LRRC49: variants seen among roughly 807,000 people sequenced by gnomAD.
LRRC49 encodes leucine-rich repeat-containing protein 49.
Under a neutral mutation model 83.3 loss-of-function variants are expected in LRRC49, and 50 were observed. That is an observed-to-expected ratio of 0.60 (90% CI 0.48 to 0.76). The LOEUF (loss-of-function observed/expected upper bound fraction) is 0.76. Ranked by LOEUF, LRRC49 falls within the 30% of genes least tolerant of loss-of-function variation. LRRC49 has a pLI of 0.00. For missense variants in LRRC49, 704 were observed against 809.1 expected, an observed-to-expected ratio of 0.87 and a Z score of 1.58; for synonymous variants, 286 against 283.3, an observed-to-expected ratio of 1.01 and a Z score of -0.10.
intron 6 of LRRC49, among the ~76,000 whole-genome samples, chr15:70,913,429 G>A (rs2034632595): frequency 6.6e-6 from 1 of 152,196 alleles, no homozygotes; most frequent in Non-Finnish European, 1.5e-5. Flanking sequence ...GGAATTGTCT[G>A]GCTCTGCAGG....
At position 71,050,254 on chromosome 15, in the gene LRRC49, G is replaced by A. The variant is rs540030621; in HGVS notation, c.*642G>A. The A allele has an allele frequency of 4.6e-5, 7 of 152,284 alleles. No individual in the cohort carries two copies. The highest frequency in any genetic ancestry group is 1.4e-4 in the African/African-American group (6 of 41,554). 9.4% of individuals were successfully genotyped at this position (152,284 alleles called of 1,614,324 possible). A position where few individuals can be genotyped will look rare whatever the true frequency, so the allele number is the denominator to read the frequency against. ...CACTATGGGCAGAGAATATGCAAATGAGTCAAAACTGGGATAGGAAGAAAA... is the reference window on the plus strand; with the variant it reads ...CACTATGGGCAGAGAATATGCAAATAAGTCAAAACTGGGATAGGAAGAAAA... On this transcript the variant is annotated 3_prime_UTR_variant, in exon 16 of 16. Transcript: ENST00000260382.
At chr15:70,986,192 G>A (rs1209000245) in intron 11 of LRRC49, among the ~76,000 whole-genome samples, 20 of 151,656 alleles carry the variant, frequency 1.3e-4, no homozygotes, top group Admixed American at 1.1e-3. Flanking sequence ...TAGCTTGATG[G>A]GGATGGCATT....
chr15:71,009,352 T>A (rs983068776), intron 12 of LRRC49, among the ~76,000 whole-genome samples: 1 of 151,914 alleles, frequency 6.6e-6, no homozygotes, highest in African/African-American at 2.4e-5. Flanking sequence ...TCCTACGTAG[T>A]GTTTGGCAAG....
chr15:70,909,853 C>CACACAG (rs1377760214), intron 5 of LRRC49, among the ~76,000 whole-genome samples: 2 of 151,330 alleles, frequency 1.3e-5, no homozygotes, highest in African/African-American at 2.4e-5. Flanking sequence ...CACACACACA[C>CACACAG]ACACACACAC....
Position 71,021,598 on chromosome 15 carries a change from G to A in LRRC49, c.1703+8685G>A, listed in dbSNP as rs578194798. On this transcript the variant is annotated intron_variant, in intron 14 of 15. Transcript: ENST00000260382. ...ATATATTTTTTTCTTTGAGACTATA[G>A]GTCAGCTAGGTGGATCTTATGCCTT... 8.5e-5 allele frequency among the ~76,000 whole-genome samples: 13 copies of A among 152,306 alleles called. No homozygotes were observed. The East Asian group carries it at 2.5e-3, about 29-fold the overall frequency.
chr15:71,026,171 G>C (rs1242913741), intron 14 of LRRC49, among the ~76,000 whole-genome samples: 1 of 151,678 alleles, frequency 6.6e-6, no homozygotes, highest in Non-Finnish European at 1.5e-5. Flanking sequence ...TGCAGTGTTT[G>C]GTTTTCTGCT....
intron 2 of LRRC49, chr15:70,882,389 A>C: frequency 6.3e-6 from 8 of 1,276,372 alleles, no homozygotes; most frequent in South Asian, 1.4e-5. Context: ...ACAATAGCAA[A>C]GAGATAATTA....
intron 11 of LRRC49, among the ~76,000 whole-genome samples, chr15:71,006,957 A>G (rs1234498643): frequency 1.3e-5 from 2 of 151,990 alleles, no homozygotes; most frequent in Admixed American, 6.6e-5. Flanking sequence ...ATCAGCCTTC[A>G]CCTTTCTAAG....
chr15:71,049,892 G>T lies in LRRC49; in HGVS notation c.*280G>T. 1 of 301,336 alleles carries T rather than the reference G, an allele frequency of 3.3e-6. No individual in the cohort carries two copies. The highest frequency in any genetic ancestry group is 6.1e-6 in the Non-Finnish European group (1 of 164,694). 18.7% of individuals were successfully genotyped at this position (301,336 alleles called of 1,614,324 possible). On this transcript the variant is annotated 3_prime_UTR_variant, in exon 16 of 16. Transcript: ENST00000260382. ...GCACTGCATCCTTGGTTCTTGCTTT[G>T]ATTGGTGCCCTGCTATAGCCCAAAG...
At chr15:70,867,912 G>A (rs1436741729) in intron 1 of LRRC49, among the ~76,000 whole-genome samples, 1 of 152,134 alleles carries the variant, frequency 6.6e-6, no homozygotes, top group African/African-American at 2.4e-5. Flanking sequence ...AGGTTGTGGG[G>A]TGAGGTGCTC....
At chr15:70,977,411 G>A (rs916627278) in intron 9 of LRRC49, among the ~76,000 whole-genome samples, 1 of 152,214 alleles carries the variant, frequency 6.6e-6, no homozygotes, top group African/African-American at 2.4e-5. Flanking sequence ...TTGGGAGGCT[G>A]AAGTGGGCAG....
At chr15:71,016,957 C>G (rs1298943829) in intron 14 of LRRC49, among the ~76,000 whole-genome samples, 1 of 151,572 alleles carries the variant, frequency 6.6e-6, no homozygotes, top group East Asian at 1.9e-4. Context: ...AATACAAAGA[C>G]TAACCAGGCA....
At chr15:70,872,966 A>G (rs949034263) in exon 2 of LRRC49, 71 of 486,534 alleles carry the variant, frequency 1.5e-4, no homozygotes, top group African/African-American at 1.2e-3. Context: ...GCTCACTGCA[A>G]CCTCCACCTC....
At chr15:70,913,612 TGA>T (rs2034639779) in intron 6 of LRRC49, among the ~76,000 whole-genome samples, 1 of 152,190 alleles carries the variant, frequency 6.6e-6, no homozygotes. Flanking sequence ...GGAAGGATGC[TGA>T]GAGAAGAGAC....
chr15:71,049,217 C>A (rs527633140), intron 15 of LRRC49, among the ~76,000 whole-genome samples, 192 bp from the exon 16 acceptor site: 130 of 152,034 alleles, frequency 8.6e-4, no homozygotes, highest in African/African-American at 3.1e-3. Flanking sequence ...GTACTGAGAC[C>A]CTTGTTGTTA....
chr15:70,962,435 C>A (rs1003925250), intron 8 of LRRC49, among the ~76,000 whole-genome samples: 3 of 152,024 alleles, frequency 2.0e-5, no homozygotes, highest in Non-Finnish European at 4.4e-5. Flanking sequence ...AAGGAAATGA[C>A]CCCACAGTAG....
At chr15:70,925,799 A>G (rs2035174015) in intron 7 of LRRC49, among the ~76,000 whole-genome samples, 1 of 152,192 alleles carries the variant, frequency 6.6e-6, no homozygotes, top group Non-Finnish European at 1.5e-5. Flanking sequence ...AAATATGAAG[A>G]CTTTTCCTTC....
At chr15:70,872,077 T>A (rs2033058807) in intron 1 of LRRC49, among the ~76,000 whole-genome samples, 1 of 152,108 alleles carries the variant, frequency 6.6e-6, no homozygotes, top group South Asian at 2.1e-4. Flanking sequence ...CAAGCCGAGA[T>A]CACGCCACTG....
At position 70,971,141 on chromosome 15, in the gene LRRC49, A is replaced by C. The variant is rs556423053; in HGVS notation, c.921+7209A>C. ...CATTTAGTACTATAAATTTCCCTCT[A>C]AACACTGCTTTAGCACCCAGAGATT... On this transcript the variant is annotated intron_variant, in intron 9 of 15. Transcript: ENST00000260382. Among the ~76,000 whole-genome samples the C allele has an allele frequency of 3.3e-5, 5 of 152,300 alleles. No homozygotes were observed. In the East Asian group the frequency reaches 9.6e-4, roughly 29 times the overall value.
Sources: allele counts gnomAD v4.1 joint callset (sites outside exome capture counted in the v4.1 genomes callset), GRCh38; gene constraint gnomAD v4.1.1; transcripts MANE v1.5; gene names NCBI Gene and HGNC (gene_info 2026-07-23, HGNC 2026-07-21).